The following CCDC171 variants were observed in gnomAD, a reference collection of about 807,000 sequenced individuals.
CCDC171 encodes the protein coiled-coil domain-containing protein 171.
CCDC171 carries 177 observed loss-of-function variants against 168.2 expected under a neutral mutation model. The observed-to-expected ratio is 1.05, with a 90% CI of 0.93 to 1.19. The LOEUF (loss-of-function observed/expected upper bound fraction) is 1.19, where lower values mean the gene tolerates loss of function less well. CCDC171 is among the 50% of genes most tolerant of loss of function. CCDC171 has a pLI of 0.00. For missense variants in CCDC171, 1,991 were observed against 1,539.0 expected (o/e 1.29, Z -4.91); for synonymous variants, 687 against 540.8 (o/e 1.27, Z -3.75).
chr9:15,775,742 AC>A lies in CCDC171; in HGVS notation c.2672-1856del, dbSNP rs2057289274. Among the ~76,000 whole-genome samples the A allele has an allele frequency of 2.0e-5, 3 of 152,246 alleles. No individual in the cohort carries two copies. The South Asian group carries it at 6.2e-4, about 31-fold the overall frequency. On this transcript the variant is annotated intron_variant, in intron 18 of 25. Coordinates refer to ENST00000380701, the MANE Select transcript of CCDC171 (RefSeq NM_173550.4). ...TTGTATTGTTTATTTAAAAACAAGA[AC>A]CTTTGACATAGCTTAAGAGTTAACA... is the stretch of plus-strand genomic sequence containing the variant.
chr9:15,716,498 C>G (rs981137134), intron 11 of CCDC171, among the ~76,000 whole-genome samples: 1 of 151,786 alleles, frequency 6.6e-6, no homozygotes, highest in Non-Finnish European at 1.5e-5. Flanking sequence ...GTTAAGGGAC[C>G]AGTAAGTGTT....
At chr9:16,028,092 C>T (rs1833307111) in intron 6 of CCDC171, among the ~76,000 whole-genome samples, 1 of 152,138 alleles carries the variant, frequency 6.6e-6, no homozygotes, top group African/African-American at 2.4e-5. Context: ...GGGGGGCCAG[C>T]ATAAGCAAAG....
intron 10 of CCDC171, among the ~76,000 whole-genome samples, chr9:15,680,460 A>T (rs138828546): frequency 0.011 from 1,706 of 152,340 alleles, 16 homozygotes; most frequent in Non-Finnish European, 0.019. Context: ...TATACTAGGA[A>T]TTGGTCACCA....
intron 20 of CCDC171, among the ~76,000 whole-genome samples, chr9:15,782,389 T>C (rs910598851): frequency 3.9e-5 from 6 of 152,218 alleles, no homozygotes; most frequent in African/African-American, 1.4e-4. Context: ...TATACTTGCT[T>C]GATTTTATTT....
chr9:15,907,375 T>G (rs1238947151), intron 24 of CCDC171, among the ~76,000 whole-genome samples: 1 of 152,218 alleles, frequency 6.6e-6, no homozygotes, highest in Non-Finnish European at 1.5e-5. Context: ...CCATCTGATC[T>G]TTGACAAACC....
At chr9:15,637,224 C>G (rs577855942) in intron 7 of CCDC171, among the ~76,000 whole-genome samples, 62 of 152,148 alleles carry the variant, frequency 4.1e-4, no homozygotes, top group African/African-American at 1.4e-3. Flanking sequence ...CCACTGCACT[C>G]CAGCCTGGGC....
Position 16,001,788 on chromosome 9 carries a change from A to G in CCDC171, n.369-18801A>G, listed in dbSNP as rs118161566. On this transcript the variant is annotated intron_variant and non_coding_transcript_variant, in intron 3 of 9. Transcript: ENST00000486641. ...CTGGCACTAAAATTATGTATACTAC[A>G]TAATACTTGGTAATAAATGACTATG... Among the ~76,000 whole-genome samples the G allele has an allele frequency of 1.7e-3, 254 of 152,094 alleles. 4 individuals are homozygous for G. In the East Asian group the frequency reaches 0.035, roughly 21 times the overall value.
the CCDC171 span, among the ~76,000 whole-genome samples, chr9:16,092,024 G>T: frequency 6.6e-6 from 1 of 152,188 alleles, no homozygotes; most frequent in Non-Finnish European, 1.5e-5. Context: ...CTAAGCTGTT[G>T]TTCCAGGTCT....
At chr9:15,782,615 G>A (rs1434413515) in intron 20 of CCDC171, among the ~76,000 whole-genome samples, 1 of 152,170 alleles carries the variant, frequency 6.6e-6, no homozygotes, top group East Asian at 1.9e-4. Context: ...GAAAAGGACA[G>A]AATGGTCTCA....
chr9:15,613,684 G>T (rs896307695), intron 6 of CCDC171, among the ~76,000 whole-genome samples: 2 of 151,714 alleles, frequency 1.3e-5, no homozygotes, highest in Non-Finnish European at 2.9e-5. Context: ...CACCATGCCC[G>T]GCTAATTTTT....
intron 3 of CCDC171, among the ~76,000 whole-genome samples, chr9:16,016,536 A>T (rs373572397): frequency 6.6e-5 from 10 of 151,954 alleles, no homozygotes; most frequent in Non-Finnish European, 2.9e-5. Context: ...GAAGATGTCA[A>T]CTCCCGAAAT....
At chr9:15,946,708 G>A (rs189503111) in intron 25 of CCDC171, among the ~76,000 whole-genome samples, 7 of 152,082 alleles carry the variant, frequency 4.6e-5, no homozygotes, top group Admixed American at 2.0e-4. Flanking sequence ...AGCCTGCATC[G>A]CCAAGTCAAT....
intron 24 of CCDC171, among the ~76,000 whole-genome samples, chr9:15,894,400 A>T (rs982888567): frequency 1.3e-5 from 2 of 152,108 alleles, no homozygotes; most frequent in African/African-American, 4.8e-5. Flanking sequence ...TAACAAACCT[A>T]CACATCCTGA....
At chr9:15,720,254 C>G (rs1000095016) in intron 11 of CCDC171, among the ~76,000 whole-genome samples, 5 of 152,064 alleles carry the variant, frequency 3.3e-5, no homozygotes, top group Admixed American at 2.0e-4. Context: ...GAATTTTTCC[C>G]CTTTCTTCCT....
the CCDC171 span, among the ~76,000 whole-genome samples, chr9:16,083,361 A>T: frequency 6.6e-6 from 1 of 152,142 alleles, no homozygotes; most frequent in Admixed American, 6.5e-5. Context: ...CAGTCTTGGG[A>T]CTTACACTCG....
chr9:15,933,703 C>T (rs928130035), intron 25 of CCDC171, among the ~76,000 whole-genome samples: 2 of 151,890 alleles, frequency 1.3e-5, no homozygotes, highest in Admixed American at 6.6e-5. Flanking sequence ...TCATTTGTCT[C>T]AGAAAATTTA....
At chr9:15,994,120 A>G (rs1477098621) in intron 3 of CCDC171, among the ~76,000 whole-genome samples, 2 of 152,098 alleles carry the variant, frequency 1.3e-5, no homozygotes, top group Non-Finnish European at 2.9e-5. Context: ...AACATGCTCT[A>G]TAAAGACACA....
intron 6 of CCDC171, among the ~76,000 whole-genome samples, chr9:16,024,486 A>G (rs1009794573): frequency 6.6e-6 from 1 of 152,206 alleles, no homozygotes; most frequent in African/African-American, 2.4e-5. Context: ...ATTGGTTGTT[A>G]CCATGGCTTC....
chr9:16,006,264 T>C (rs1832692777), intron 3 of CCDC171, among the ~76,000 whole-genome samples: 1 of 152,234 alleles, frequency 6.6e-6, no homozygotes, highest in Admixed American at 6.5e-5. Context: ...CTTGTTATTA[T>C]CTGACAATAA....
Sources: allele counts gnomAD v4.1 joint callset (sites outside exome capture counted in the v4.1 genomes callset), GRCh38; gene constraint gnomAD v4.1.1; transcripts MANE v1.5; gene names NCBI Gene and HGNC (gene_info 2026-07-23, HGNC 2026-07-21).